MAGI2: variants seen among roughly 807,000 people sequenced by gnomAD.
MAGI2 encodes membrane-associated guanylate kinase, WW and PDZ domain-containing protein 2.
Under a neutral mutation model 133.3 loss-of-function variants are expected in MAGI2, and 35 were observed. The ratio of observed to expected loss-of-function variants is 0.26; its 90% CI spans 0.20 to 0.35. The LOEUF is 0.35. MAGI2 is among the 10% of genes least tolerant of loss of function. The probability of loss-of-function intolerance (pLI) is 1.00; values close to 1 mark genes in which losing one functional copy is unlikely to be tolerated. For missense variants in MAGI2, 1,636 were observed against 1,863.4 expected, an observed-to-expected ratio of 0.88 and a Z score of 2.25; for synonymous variants, 729 against 710.6, an observed-to-expected ratio of 1.03 and a Z score of -0.41.
At chr7:78,773,225 AC>A (rs1825728037) in intron 2 of MAGI2, among the ~76,000 whole-genome samples, 1 of 152,176 alleles carries the variant, frequency 6.6e-6, no homozygotes, top group Non-Finnish European at 1.5e-5. Context: ...TCTAACAGAG[AC>A]TTGATGAACA....
At chr7:78,232,312 G>T (rs898550640) in intron 10 of MAGI2, among the ~76,000 whole-genome samples, 3 of 152,192 alleles carry the variant, frequency 2.0e-5, no homozygotes, top group Non-Finnish European at 4.4e-5. Context: ...AGTCATATAT[G>T]ACTGTTGCTG....
At chr7:78,829,579 A>G (rs778172128) in intron 2 of MAGI2, among the ~76,000 whole-genome samples, 1 of 152,118 alleles carries the variant, frequency 6.6e-6, no homozygotes, top group Non-Finnish European at 1.5e-5. Context: ...CCTGACACTT[A>G]TCAAAAAGCC....
intron 1 of MAGI2, among the ~76,000 whole-genome samples, chr7:79,333,445 C>T (rs980286563): frequency 4.6e-5 from 7 of 152,072 alleles, no homozygotes; most frequent in African/African-American, 1.7e-4. Flanking sequence ...TCAATAATGA[C>T]ATCAAATGAC....
intron 2 of MAGI2, among the ~76,000 whole-genome samples, chr7:78,884,405 G>A (rs1431279077): frequency 6.6e-6 from 1 of 152,140 alleles, no homozygotes; most frequent in Non-Finnish European, 1.5e-5. Context: ...GATTACTTGA[G>A]TCTGGGAGGT....
At chr7:79,076,283 G>C (rs1167959202) in intron 1 of MAGI2, among the ~76,000 whole-genome samples, 2 of 152,186 alleles carry the variant, frequency 1.3e-5, no homozygotes, top group Non-Finnish European at 2.9e-5. Context: ...AGAGCAGATG[G>C]ACTGGGGTTC....
chr7:78,527,029 A>AAAAAAG (rs1554457520), intron 3 of MAGI2, among the ~76,000 whole-genome samples: 6,230 of 123,690 alleles, frequency 0.05, 95 homozygotes, highest in Non-Finnish European at 0.064. Flanking sequence ...AAAAAAAAAA[A>AAAAAAG]AAAAAGAAAA....
chr7:79,239,025 T>A (rs1585294132), intron 1 of MAGI2, among the ~76,000 whole-genome samples: 1 of 152,126 alleles, frequency 6.6e-6, no homozygotes, highest in East Asian at 1.9e-4. Flanking sequence ...GTAGTAACAT[T>A]CATTAGGAAA....
At chr7:78,345,775 G>A in intron 8 of MAGI2, 147 bp downstream of exon 8, 1 of 1,152,872 alleles carries the variant, frequency 8.7e-7, no homozygotes, top group East Asian at 2.4e-5. Flanking sequence ...TAGAGAGAAT[G>A]CAAACATCCA....
At chr7:78,859,003 G>C (rs1276343075) in intron 2 of MAGI2, among the ~76,000 whole-genome samples, 1 of 151,814 alleles carries the variant, frequency 6.6e-6, no homozygotes, top group Non-Finnish European at 1.5e-5. Flanking sequence ...GGCCTTATTT[G>C]TCTCTTTTGA....
intron 1 of MAGI2, among the ~76,000 whole-genome samples, chr7:79,432,309 T>G (rs1289009980): frequency 6.6e-6 from 1 of 152,218 alleles, no homozygotes; most frequent in Non-Finnish European, 1.5e-5. Flanking sequence ...AGTGGTCATT[T>G]AAAAAGGATC....
At chr7:78,975,985 G>A (rs1237353012) in intron 2 of MAGI2, among the ~76,000 whole-genome samples, 4 of 151,570 alleles carry the variant, frequency 2.6e-5, no homozygotes, top group Non-Finnish European at 5.9e-5. Context: ...TAGCCAACTT[G>A]AGTAGATCCA....
intron 1 of MAGI2, among the ~76,000 whole-genome samples, chr7:79,227,867 T>C (rs1830988527): frequency 6.6e-6 from 1 of 152,220 alleles, no homozygotes; most frequent in Non-Finnish European, 1.5e-5. Flanking sequence ...ACACTTCCTA[T>C]CTTTCCTGTT....
At chr7:78,333,729 G>A (rs1789467455) in intron 9 of MAGI2, among the ~76,000 whole-genome samples, 1 of 152,162 alleles carries the variant, frequency 6.6e-6, no homozygotes, top group African/African-American at 2.4e-5. Flanking sequence ...AACCATCCCA[G>A]CGGAGGCATG....
intron 6 of MAGI2, among the ~76,000 whole-genome samples, chr7:78,414,017 C>T (rs1028339743): frequency 2.0e-5 from 3 of 151,960 alleles, no homozygotes; most frequent in African/African-American, 7.2e-5. Flanking sequence ...TTCCAGCCAT[C>T]ACAGATTTTT....
intron 9 of MAGI2, among the ~76,000 whole-genome samples, chr7:78,267,639 G>C (rs780986998): frequency 6.6e-6 from 1 of 152,118 alleles, no homozygotes; most frequent in African/African-American, 2.4e-5. Flanking sequence ...TCCAGAGAAA[G>C]ATAGTTATTA....
chr7:78,109,718 C>G (rs1235603346), intron 20 of MAGI2, among the ~76,000 whole-genome samples: 1 of 152,126 alleles, frequency 6.6e-6, no homozygotes, highest in Non-Finnish European at 1.5e-5. Context: ...TTTGAGGAAA[C>G]AAGTGATTTA....
intron 3 of MAGI2, among the ~76,000 whole-genome samples, chr7:78,569,971 G>A (rs1189988632): frequency 6.6e-6 from 1 of 152,156 alleles, no homozygotes; most frequent in African/African-American, 2.4e-5. Flanking sequence ...GGATAGTAAT[G>A]TTTTCATTGT....
chr7:78,708,930 T>C (rs1415071331), intron 2 of MAGI2, among the ~76,000 whole-genome samples: 1 of 151,998 alleles, frequency 6.6e-6, no homozygotes, highest in Non-Finnish European at 1.5e-5. Flanking sequence ...TTAATATTAC[T>C]CAGTCAAACT....
chr7:78,948,381 C>CAGCTTTTCAGAT (rs1801604337), intron 2 of MAGI2, among the ~76,000 whole-genome samples: 1 of 150,978 alleles, frequency 6.6e-6, no homozygotes, highest in African/African-American at 2.5e-5. Context: ...ACTTGAGTCC[C>CAGCTTTTCAGAT]AGCTTTTCAG....
Sources: gnomAD v4.1 joint callset for allele counts (sites outside exome capture counted in the v4.1 genomes callset) on GRCh38, gnomAD v4.1.1 for gene constraint, MANE v1.5 for transcripts, NCBI Gene and HGNC (gene_info 2026-07-23, HGNC 2026-07-21) for gene names.